Variants in SGIP1 observed in about 807,000 individuals in gnomAD.
SGIP1 encodes the protein SH3GL interacting endocytic adaptor 1, also known as SH3-containing GRB2-like protein 3-interacting protein 1.
Under a neutral mutation model 107.5 loss-of-function variants are expected in SGIP1, and 38 were observed. That is an observed-to-expected ratio of 0.35 (90% confidence interval 0.27 to 0.46). SGIP1 has a LOEUF of 0.46. Among genes scored for constraint, SGIP1 ranks in the 20% least tolerant of loss-of-function variants. The probability of loss-of-function intolerance (pLI) is 1.00; values close to 1 mark genes in which losing one functional copy is unlikely to be tolerated. For synonymous variants in SGIP1, 365 were observed against 366.1 expected, an observed-to-expected ratio of 1.00 and a Z score of 0.03; for missense variants, 929 against 1,019.5, an observed-to-expected ratio of 0.91 and a Z score of 1.21.
At chr1:66,636,189 A>G (rs2075747710) in intron 4 of SGIP1, among the ~76,000 whole-genome samples, 174 bp downstream of exon 4, 1 of 152,226 alleles carries the variant, frequency 6.6e-6, no homozygotes, top group African/African-American at 2.4e-5. Flanking sequence ...AATTAACCAT[A>G]TAGACTTTAT....
chr1:66,596,930 C>T (rs915984202), intron 1 of SGIP1, among the ~76,000 whole-genome samples: 1 of 152,116 alleles, frequency 6.6e-6, no homozygotes, highest in Non-Finnish European at 1.5e-5. Flanking sequence ...CAAATATTTT[C>T]AAACTCAAGG....
At chr1:66,631,917 A>G (rs2149388303) in intron 2 of SGIP1, among the ~76,000 whole-genome samples, 1 of 152,320 alleles carries the variant, frequency 6.6e-6, no homozygotes, top group East Asian at 1.9e-4. Flanking sequence ...TTAGCCTCTT[A>G]AAAACTGAAT....
intron 12 of SGIP1, among the ~76,000 whole-genome samples, chr1:66,675,541 C>CTTTTTTTTTTTTTTTTTTTTTTTTTTT (rs71242802): frequency 8.9e-6 from 1 of 112,392 alleles, no homozygotes; most frequent in African/African-American, 3.9e-5. Flanking sequence ...CTTTTTCTTT[C>CTTTTTTTTTTTTTTTTTTTTTTTTTTT]TTTTTTTTTT....
chr1:66,707,662 G>T (rs1005697595), intron 18 of SGIP1, among the ~76,000 whole-genome samples: 11 of 152,172 alleles, frequency 7.2e-5, no homozygotes, highest in Admixed American at 5.9e-4. Context: ...TCCAAAGAAT[G>T]TGACAGTTTC....
chr1:66,534,980 G>A (rs1360732105), intron 1 of SGIP1, among the ~76,000 whole-genome samples: 1 of 152,092 alleles, frequency 6.6e-6, no homozygotes, highest in South Asian at 2.1e-4. Context: ...CTCCTGATTC[G>A]GGGTCTTATC....
chr1:66,542,079 C>T (rs2055095668), intron 1 of SGIP1, among the ~76,000 whole-genome samples: 1 of 151,952 alleles, frequency 6.6e-6, no homozygotes, highest in Non-Finnish European at 1.5e-5. Context: ...CAGATATTAC[C>T]AAACCCTATA....
At chr1:66,602,108 A>C (rs192203256) in intron 1 of SGIP1, among the ~76,000 whole-genome samples, 94 of 152,362 alleles carry the variant, frequency 6.2e-4, no homozygotes, top group African/African-American at 2.2e-3. Flanking sequence ...TGGAGAAAGC[A>C]GAACATTGGC....
At chr1:66,739,302 A>T in intron 21 of SGIP1, 33 bp from the exon 22 acceptor site, 1 of 1,606,862 alleles carries the variant, frequency 6.2e-7, no homozygotes, top group Non-Finnish European at 8.5e-7. Context: ...TCCCTGTCAT[A>T]TGTTGTTATT....
chr1:66,734,621 C>T (rs2094153263), intron 21 of SGIP1, among the ~76,000 whole-genome samples: 1 of 151,744 alleles, frequency 6.6e-6, no homozygotes, highest in Non-Finnish European at 1.5e-5. Context: ...TCTCCTGCCT[C>T]AGCCTCCTGA....
intron 1 of SGIP1, among the ~76,000 whole-genome samples, chr1:66,572,600 T>C (rs190307716): frequency 2.6e-5 from 4 of 152,216 alleles, no homozygotes; most frequent in African/African-American, 9.6e-5. Flanking sequence ...CACTTCCCTT[T>C]TGTTTTTTTC....
intron 7 of SGIP1, among the ~76,000 whole-genome samples, chr1:66,649,849 A>G (rs991883911): frequency 6.6e-6 from 1 of 152,156 alleles, no homozygotes; most frequent in Non-Finnish European, 1.5e-5. Context: ...ACTTACTCCA[A>G]TGATGTCCCA....
intron 1 of SGIP1, among the ~76,000 whole-genome samples, chr1:66,582,169 T>C (rs764713336): frequency 6.6e-5 from 10 of 152,034 alleles, no homozygotes; most frequent in Non-Finnish European, 1.3e-4. Context: ...TCTGGAAATT[T>C]GGGAAAAGGT....
chr1:66,633,407 TA>T (rs112850903), intron 3 of SGIP1, among the ~76,000 whole-genome samples: 1,944 of 152,300 alleles, frequency 0.013, 48 homozygotes, highest in African/African-American at 0.044. Flanking sequence ...TTTAATGATG[TA>T]AAAGCTCATT....
At chr1:66,586,136 C>T (rs978653038) in intron 1 of SGIP1, among the ~76,000 whole-genome samples, 5 of 152,266 alleles carry the variant, frequency 3.3e-5, no homozygotes, top group Admixed American at 1.3e-4. Flanking sequence ...CTGATGTCTA[C>T]ATTATCTGAT....
chr1:66,739,414 G>T lies in SGIP1; in HGVS notation c.2111G>T (p.Arg704Leu), dbSNP rs760325669. The change falls in exon 22 of 25, where the codon CGC becomes CTC. Residue 704 changes from arginine (R) to leucine (L), a missense_variant. Arg to Leu is a moderately radical substitution (Grantham distance 102). Transcript: ENST00000371037. ...TGTGAGCCTTCAAGCACTGACCTGC[G>T]CATAGATTACAAATATAATACAGAT... is the stretch of plus-strand genomic sequence containing the variant. ...WRCEPSSTDL[R>L]IDYKYNTDAM... 38 of 1,613,824 alleles carry T rather than the reference G, an allele frequency of 2.4e-5. No individual in the cohort carries two copies. Among genetic ancestry groups the T allele is most frequent in the Non-Finnish European group, 3.0e-5 (35 of 1,180,036 alleles).
intron 7 of SGIP1, among the ~76,000 whole-genome samples, chr1:66,654,196 C>T (rs2079272971): frequency 6.6e-6 from 1 of 152,262 alleles, no homozygotes; most frequent in South Asian, 2.1e-4. Flanking sequence ...ACAAATAGAG[C>T]AAATTTATGG....
intron 7 of SGIP1, among the ~76,000 whole-genome samples, chr1:66,651,169 T>A (rs2078676008): frequency 6.6e-6 from 1 of 152,182 alleles, no homozygotes; most frequent in Non-Finnish European, 1.5e-5. Context: ...CAATAAAATA[T>A]CAAAGTCATC....
chr1:66,689,420 T>C, intron 16 of SGIP1, 145 bp downstream of exon 16: 4 of 1,059,614 alleles, frequency 3.8e-6, no homozygotes, highest in Middle Eastern at 3.1e-4. Context: ...GCGGTATGAG[T>C]GTACATTTCA....
intron 2 of SGIP1, among the ~76,000 whole-genome samples, chr1:66,629,349 C>T (rs981641322): frequency 1.2e-4 from 18 of 152,138 alleles, no homozygotes; most frequent in African/African-American, 4.1e-4. Flanking sequence ...ACATATGTTG[C>T]GCTGATATCT....
Sources: gnomAD v4.1 joint callset for allele counts (sites outside exome capture counted in the v4.1 genomes callset) on GRCh38, gnomAD v4.1.1 for gene constraint, MANE v1.5 for transcripts, NCBI Gene and HGNC (gene_info 2026-07-23, HGNC 2026-07-21) for gene names.